The following SLC5A1 variants were observed in gnomAD, a reference collection of about 807,000 sequenced individuals.
SLC5A1 encodes sodium/glucose cotransporter 1.
Under a neutral mutation model 73.5 loss-of-function variants are expected in SLC5A1, and 42 were observed. The observed-to-expected ratio is 0.57, with a 90% CI of 0.45 to 0.74. The LOEUF (loss-of-function observed/expected upper bound fraction) is 0.74. Ranked by LOEUF, SLC5A1 falls within the 30% of genes least tolerant of loss-of-function variation. The probability of loss-of-function intolerance (pLI) is 0.00; values close to 1 mark genes in which losing one functional copy is unlikely to be tolerated. For missense variants in SLC5A1, 634 were observed against 855.4 expected, an observed-to-expected ratio of 0.74 and a Z score of 3.23; for synonymous variants, 300 against 317.4, an observed-to-expected ratio of 0.95 and a Z score of 0.58.
At chr22:32,064,940 G>A (rs1364161029) in intron 2 of SLC5A1, among the ~76,000 whole-genome samples, 2 of 152,072 alleles carry the variant, frequency 1.3e-5, no homozygotes, top group African/African-American at 4.8e-5. Flanking sequence ...ATCTCACTTA[G>A]AATAAAACTA....
chr22:32,104,953 T>G, intron 14 of SLC5A1, 62 bp downstream of exon 14: 1 of 1,159,806 alleles, frequency 8.6e-7, no homozygotes, highest in Middle Eastern at 1.9e-4. Context: ...AACAAGACTT[T>G]ACTGAAGTTC....
chr22:32,078,947 C>A, intron 5 of SLC5A1, among the ~76,000 whole-genome samples: 1 of 114,820 alleles, frequency 8.7e-6, no homozygotes, highest in Non-Finnish European at 1.7e-5. Context: ...GAGCAAGACT[C>A]TGTCTCCAAA....
intron 9 of SLC5A1, 33 bp from the exon 10 acceptor site, chr22:32,086,187 T>C (rs780611233): frequency 6.1e-6 from 8 of 1,300,992 alleles, no homozygotes; most frequent in Non-Finnish European, 6.7e-6. Flanking sequence ...CCCCAATGTC[T>C]GCTTGCTGAC....
chr22:32,071,044 C>T (rs1450382127), intron 5 of SLC5A1, among the ~76,000 whole-genome samples: 3 of 152,216 alleles, frequency 2.0e-5, no homozygotes, highest in Non-Finnish European at 4.4e-5. Context: ...AAAAGCTTAG[C>T]TTCTTTATGA....
chr22:32,090,877 C>A (rs2094016135), intron 10 of SLC5A1, among the ~76,000 whole-genome samples: 1 of 152,102 alleles, frequency 6.6e-6, no homozygotes, highest in African/African-American at 2.4e-5. Context: ...GTCCTCATTT[C>A]TCCATATCTC....
At chr22:32,098,853 G>A (rs147182327) in intron 11 of SLC5A1, among the ~76,000 whole-genome samples, 2,478 of 151,926 alleles carry the variant, frequency 0.016, 36 homozygotes, top group Middle Eastern at 0.037. Context: ...TTGGGAGGCC[G>A]AGGCGGGCGG....
At chr22:32,095,892 C>T (rs1473876597) in intron 11 of SLC5A1, among the ~76,000 whole-genome samples, 2 of 152,158 alleles carry the variant, frequency 1.3e-5, no homozygotes, top group Admixed American at 1.3e-4. Flanking sequence ...CCATTCATCA[C>T]GCTATTTGTT....
chr22:32,046,241 A>G (rs1396897510), intron 1 of SLC5A1, among the ~76,000 whole-genome samples: 1 of 152,120 alleles, frequency 6.6e-6, no homozygotes, highest in South Asian at 2.1e-4. Flanking sequence ...GCCAAAGCCA[A>G]TGCTCTTTCC....
At chr22:32,089,628 G>A (rs2094013733) in intron 10 of SLC5A1, among the ~76,000 whole-genome samples, 1 of 152,132 alleles carries the variant, frequency 6.6e-6, no homozygotes, top group Admixed American at 6.6e-5. Flanking sequence ...GGTACCATGA[G>A]GACTACATTT....
At chr22:32,084,840 T>C (rs2094005482) in intron 8 of SLC5A1, 60 bp from the exon 9 acceptor site, 1 of 1,610,710 alleles carries the variant, frequency 6.2e-7, no homozygotes, top group Non-Finnish European at 8.5e-7. Flanking sequence ...AGCTAGGAAG[T>C]ACAAAGGTGT....
At chr22:32,101,887 G>A (rs1277630026) in intron 12 of SLC5A1, 135 bp from the exon 13 acceptor site, 1 of 722,356 alleles carries the variant, frequency 1.4e-6, no homozygotes, top group Non-Finnish European at 2.5e-6. Context: ...TCAGTGTTCT[G>A]GGTTCAGACA....
chr22:32,094,544 C>G (rs1156348761), intron 11 of SLC5A1, among the ~76,000 whole-genome samples: 2 of 152,070 alleles, frequency 1.3e-5, no homozygotes, highest in Non-Finnish European at 2.9e-5. Context: ...TTCAGGGTAT[C>G]TAATTCTTCC....
At chr22:32,074,038 G>A (rs2093986946) in intron 5 of SLC5A1, among the ~76,000 whole-genome samples, 1 of 152,114 alleles carries the variant, frequency 6.6e-6, no homozygotes, top group South Asian at 2.1e-4. Flanking sequence ...TGAGCAGGAG[G>A]GTGAGGAGGT....
At chr22:32,049,849 TAGA>T in intron 1 of SLC5A1, 91 bp from the exon 2 acceptor site, 1 of 941,324 alleles carries the variant, frequency 1.1e-6, no homozygotes, top group Non-Finnish European at 1.8e-6. Flanking sequence ...GTGGAGTGGG[TAGA>T]AGAAGGTGCA....
At chr22:32,082,076 T>G (rs1569309951) in intron 6 of SLC5A1, 105 bp downstream of exon 6, 1 of 789,670 alleles carries the variant, frequency 1.3e-6, no homozygotes, top group Non-Finnish European at 2.3e-6. Flanking sequence ...TGAGGAGAGA[T>G]ACACTCAGGT....
intron 1 of SLC5A1, among the ~76,000 whole-genome samples, chr22:32,044,074 G>A (rs972429993): frequency 2.0e-5 from 3 of 152,184 alleles, no homozygotes; most frequent in Admixed American, 2.0e-4. Context: ...TTGGGACTCT[G>A]GGGACACAGC....
intron 14 of SLC5A1, 75 bp downstream of exon 14, chr22:32,104,966 C>T (rs1451506891): frequency 1.9e-6 from 2 of 1,074,542 alleles, no homozygotes; most frequent in African/African-American, 1.5e-5. Flanking sequence ...TGAAGTTCTT[C>T]CCTAAATAAT....
At chr22:32,090,218 G>GC (rs1378700308) in intron 10 of SLC5A1, among the ~76,000 whole-genome samples, 5 of 151,802 alleles carry the variant, frequency 3.3e-5, no homozygotes, top group African/African-American at 1.2e-4. Flanking sequence ...AGTTGTGCAA[G>GC]CATCACTGAA....
chr22:32,086,264 GGTACCAAGGTTGGCT>G lies in SLC5A1; in HGVS notation c.1074_1088del (p.Lys358_Thr362del). The G allele has an allele frequency of 6.2e-7, 1 of 1,614,018 alleles. No homozygotes were observed. The highest frequency in any genetic ancestry group is 8.5e-7 in the Non-Finnish European group (1 of 1,179,912). ...CCCTTCAGAATGTGAGAAATATTGC[GGTACCAAGGTTGGCT>G]GTACCAACATCGCCTATCCAACCTT... On this transcript the variant is annotated inframe_deletion, in exon 10 of 15. Coordinates refer to ENST00000266088, the MANE Select transcript of SLC5A1 (RefSeq NM_000343.4).
Sources: allele counts gnomAD v4.1 joint callset (sites outside exome capture counted in the v4.1 genomes callset), GRCh38; gene constraint gnomAD v4.1.1; transcripts MANE v1.5; gene names NCBI Gene and HGNC (gene_info 2026-07-23, HGNC 2026-07-21).